The following UTP15 variants were observed in gnomAD, a reference collection of about 807,000 sequenced individuals.
The protein encoded by UTP15 is UTP15 small subunit processome component.
In UTP15, 5 loss-of-function variants were observed where a neutral mutation model predicts 59.1. The observed-to-expected ratio is 0.08, with a 90% CI of 0.04 to 0.18. UTP15 has a LOEUF of 0.18. Among genes scored for constraint, UTP15 ranks in the 10% least tolerant of loss-of-function variants. UTP15 has a pLI of 1.00. For synonymous variants in UTP15, 211 were observed against 212.2 expected (o/e 0.99, Z 0.05); for missense variants, 494 against 616.7 (o/e 0.80, Z 2.11).
intron 5 of UTP15, 70 bp from the exon 6 acceptor site, chr5:73,570,516 T>C: frequency 6.7e-7 from 1 of 1,496,288 alleles, no homozygotes; most frequent in South Asian, 1.2e-5. Context: ...TTTTAAAATT[T>C]ATATCTGGAT....
chr5:73,573,089 C>T (rs1477189444), intron 7 of UTP15, among the ~76,000 whole-genome samples: 2 of 152,118 alleles, frequency 1.3e-5, no homozygotes, highest in African/African-American at 4.8e-5. Context: ...AGCCACCACA[C>T]CCGGCCACCC....
At chr5:73,568,946 A>G (rs1373249818) in intron 4 of UTP15, among the ~76,000 whole-genome samples, 2 of 152,196 alleles carry the variant, frequency 1.3e-5, no homozygotes, top group South Asian at 2.1e-4. Flanking sequence ...ACAGCTCTAT[A>G]GGCCTGTACT....
chr5:73,577,719 C>A, intron 8 of UTP15, 137 bp from the exon 9 acceptor site: 1 of 705,798 alleles, frequency 1.4e-6, no homozygotes, highest in Non-Finnish European at 2.3e-6. Flanking sequence ...CATCGTTAGG[C>A]AGACTATGTG....
At chr5:73,568,953 T>C (rs769143857) in intron 4 of UTP15, among the ~76,000 whole-genome samples, 6 of 152,242 alleles carry the variant, frequency 3.9e-5, no homozygotes, top group Non-Finnish European at 8.8e-5. Context: ...TATAGGCCTG[T>C]ACTGTCTTAG....
At chr5:73,578,895 G>C in intron 10 of UTP15, 43 bp downstream of exon 10, 1 of 1,582,006 alleles carries the variant, frequency 6.3e-7, no homozygotes, top group Non-Finnish European at 8.7e-7. Context: ...TACTTACCCT[G>C]CATATTACCA....
In UTP15 at chr5:73,581,066, T is replaced by C. The variant is rs1748288429; in HGVS notation, c.*972T>C. 6.6e-6 allele frequency: 1 copy of C among 151,972 alleles called. No homozygotes were observed. Among genetic ancestry groups the C allele is most frequent in the African/African-American group, 2.4e-5 (1 of 41,422 alleles). The allele number at this position is 151,972 out of a possible 1,614,324, so 9.4% of individuals were successfully genotyped here. ...TTATTTTTTAGAAGTTTTTTTTTTT[T>C]TTTTAAAGACAGGGTCTCGCTTTAT... On this transcript the variant is annotated 3_prime_UTR_variant, in exon 13 of 13. Transcript: ENST00000296792.
intron 12 of UTP15, among the ~76,000 whole-genome samples, chr5:73,579,620 C>T (rs893600567): frequency 2.0e-5 from 3 of 151,930 alleles, no homozygotes; most frequent in East Asian, 1.9e-4. Context: ...TCTATAATGA[C>T]GATGACAATT....
chr5:73,577,943 C>T lies in UTP15; in HGVS notation c.982C>T (p.Pro328Ser), dbSNP rs146430024. 3.8e-5 allele frequency: 61 copies of T among 1,587,086 alleles called. No homozygotes were observed. The African/African-American group carries it at 3.9e-4, about 10-fold the overall frequency. The stretch of plus-strand genomic sequence containing the variant: ...ATCTGAAGCAAAGAAGGAATCACTT[C>T]CCAGAAGAAGAAGGCCTGCATATCG... ...RKSEAKKESL[P>S]RRRRPAYRTF... The change falls in exon 9 of 13, where the codon CCC becomes TCC. Residue 328 changes from proline to serine, a missense_variant. By Grantham distance (74) the Pro-to-Ser change is moderately conservative (BLOSUM62 -1). Transcript: ENST00000296792.
At chr5:73,579,824 T>A in intron 12 of UTP15, 53 bp from the exon 13 acceptor site, 3 of 1,306,516 alleles carry the variant, frequency 2.3e-6, no homozygotes, top group Non-Finnish European at 3.1e-6. Flanking sequence ...TGCTTTTCAC[T>A]TAATGTATGG....
chr5:73,569,562 C>T lies in UTP15; in HGVS notation c.434C>T (p.Thr145Ile), dbSNP rs762704828. Residue 145 changes from threonine (T) to isoleucine (I), a missense_variant, in exon 5 of 13, where the codon ACA (threonine) becomes ATA (isoleucine). By Grantham distance (89) the Thr-to-Ile change is moderately conservative. Coordinates refer to ENST00000296792, the MANE Select transcript of UTP15 (RefSeq NM_032175.4). The part of the protein sequence containing the change: ...YHVVSGADDY[T>I]VKLWDIPNSK... ...GTGGTCTCTGGGGCTGATGATTATA[C>T]AGTTAAATTATGGGATATTCCAAAC... 4 of 1,613,450 alleles carry T rather than the reference C, an allele frequency of 2.5e-6. No individual in the cohort carries two copies. The African/African-American group carries it at 5.3e-5, about 22-fold the overall frequency.
chr5:73,573,197 A>G (rs1248888198), intron 7 of UTP15, among the ~76,000 whole-genome samples: 1 of 151,934 alleles, frequency 6.6e-6, no homozygotes, highest in Non-Finnish European at 1.5e-5. Flanking sequence ...AAATAATGTT[A>G]TTCTATAAAC....
At position 73,580,303 on chromosome 5, in the gene UTP15, C is replaced by T. The variant is rs1580397521; in HGVS notation, c.*209C>T. 1 of 444,114 alleles carries T rather than the reference C, an allele frequency of 2.3e-6. No individual in the cohort carries two copies. The highest frequency in any genetic ancestry group is 4.2e-5 in the East Asian group (1 of 24,052). The allele number at this position is 444,114 out of a possible 1,614,324, so 27.5% of individuals were successfully genotyped here. Reference sequence around the variant, plus strand: ...GTAATATTTTGAATTATAGCATCTTCACCTAGAAGATCTCAATTGTCTTAG... The same window carrying T: ...GTAATATTTTGAATTATAGCATCTTTACCTAGAAGATCTCAATTGTCTTAG... On this transcript the variant is annotated 3_prime_UTR_variant, in exon 13 of 13. Coordinates refer to ENST00000296792, the MANE Select transcript of UTP15 (RefSeq NM_032175.4).
intron 10 of UTP15, 38 bp downstream of exon 10, chr5:73,578,890 A>G (rs1748209620): frequency 6.3e-7 from 1 of 1,585,766 alleles, no homozygotes; most frequent in Non-Finnish European, 8.7e-7. Context: ...GTTATTACTT[A>G]CCCTGCATAT....
rs1475163855 is a variant in UTP15 at position 73,577,036 on chromosome 5, A to G, written c.894A>G (p.Ala298=). Residue 298 remains alanine (A), a splice_region_variant and synonymous_variant, in exon 8 of 13, where the codon GCA becomes GCG. Coordinates refer to ENST00000296792, the MANE Select transcript of UTP15 (RefSeq NM_032175.4). ...CTTCAATTTTGAGTCTTGCCCTTGC[A>G]GTAAGTACCTTTACCTATTTTTAAG... ...YAASILSLAL[A]HEDETIVVGM... is the part of the protein sequence containing the mutation. The G allele has an allele frequency of 1.2e-6, 2 of 1,602,888 alleles. No homozygotes were observed. The highest frequency in any genetic ancestry group is 2.2e-5 in the East Asian group (1 of 44,680).
Position 73,582,808 on chromosome 5 carries a change from C to G in UTP15, c.*2714C>G, listed in dbSNP as rs940107028. 1 of 152,160 alleles carries G rather than the reference C, an allele frequency of 6.6e-6. No homozygotes were observed. The highest frequency in any genetic ancestry group is 6.5e-5 in the Admixed American group (1 of 15,284). 9.4% of individuals were successfully genotyped at this position (152,160 alleles called of 1,614,324 possible). A position where few individuals can be genotyped will look rare whatever the true frequency, so the allele number is the denominator to read the frequency against. On this transcript the variant is annotated 3_prime_UTR_variant, in exon 13 of 13. Coordinates refer to ENST00000296792, the MANE Select transcript of UTP15 (RefSeq NM_032175.4). ...TAAGATTCTAATTTAAAATGCTTAA[C>G]AGACTTTTAGACTTATGAGTTTCAG... is the stretch of plus-strand genomic sequence containing the variant.
intron 8 of UTP15, 71 bp downstream of exon 8, chr5:73,577,107 G>C: frequency 8.3e-7 from 1 of 1,199,104 alleles, no homozygotes; most frequent in Non-Finnish European, 1.2e-6. Context: ...ATGGAACTTT[G>C]GGCTTTATTT....
intron 8 of UTP15, 138 bp from the exon 9 acceptor site, chr5:73,577,718 G>C: frequency 1.4e-6 from 1 of 701,240 alleles, no homozygotes. Context: ...TCATCGTTAG[G>C]CAGACTATGT....
intron 8 of UTP15, among the ~76,000 whole-genome samples, chr5:73,577,551 G>T (rs1448519742): frequency 6.6e-6 from 1 of 152,088 alleles, no homozygotes; most frequent in African/African-American, 2.4e-5. Context: ...AAATATTTTT[G>T]GGGGGCAAGA....
intron 9 of UTP15, chr5:73,578,457 C>A: frequency 3.0e-6 from 1 of 333,402 alleles, no homozygotes; most frequent in Non-Finnish European, 5.5e-6. Flanking sequence ...CTGCCTGCCA[C>A]ATAAAGAGAA....
Sources: gnomAD v4.1 joint callset for allele counts (sites outside exome capture counted in the v4.1 genomes callset) on GRCh38, gnomAD v4.1.1 for gene constraint, MANE v1.5 for transcripts, NCBI Gene and HGNC (gene_info 2026-07-23, HGNC 2026-07-21) for gene names.